The following SAMD5 variants were observed in gnomAD, a reference collection of about 807,000 sequenced individuals.
SAMD5 encodes sterile alpha motif domain-containing protein 5.
SAMD5 carries 13 observed loss-of-function variants against 11.3 expected under a neutral mutation model. The ratio of observed to expected loss-of-function variants is 1.15; its 90% confidence interval spans 0.75 to 1.83. SAMD5 has a LOEUF of 1.83. Ranked by LOEUF, SAMD5 falls within the 40% of genes most tolerant of loss-of-function variation. The pLI is 0.00. For missense variants in SAMD5, 255 were observed against 239.1 expected, an observed-to-expected ratio of 1.07 and a Z score of -0.44; for synonymous variants, 129 against 111.3, an observed-to-expected ratio of 1.16 and a Z score of -1.00.
intron 1 of SAMD5, among the ~76,000 whole-genome samples, chr6:147,699,096 T>C (rs1368929371): frequency 6.6e-6 from 1 of 152,114 alleles, no homozygotes; most frequent in Non-Finnish European, 1.5e-5. Context: ...ACCCCCTGGA[T>C]GCTGGAAATC....
chr6:147,535,572 G>A (rs1414019086), intron 1 of SAMD5, among the ~76,000 whole-genome samples: 8 of 152,082 alleles, frequency 5.3e-5, no homozygotes, highest in South Asian at 4.2e-4. Context: ...GAACTGATTT[G>A]TTTACAAAAT....
At chr6:147,682,417 T>C (rs199866855) in intron 1 of SAMD5, among the ~76,000 whole-genome samples, 7 of 152,178 alleles carry the variant, frequency 4.6e-5, no homozygotes, top group Non-Finnish European at 5.9e-5. Flanking sequence ...AGAGTTTTGA[T>C]TGGTCCACAG....
the SAMD5 span, among the ~76,000 whole-genome samples, chr6:147,771,709 C>T: frequency 6.6e-6 from 1 of 152,184 alleles, no homozygotes; most frequent in African/African-American, 2.4e-5. Flanking sequence ...CACCCCTCAA[C>T]TCCACTCTCT....
chr6:147,693,547 A>C (rs1226755011), intron 1 of SAMD5, among the ~76,000 whole-genome samples: 1 of 152,270 alleles, frequency 6.6e-6, no homozygotes, highest in Non-Finnish European at 1.5e-5. Context: ...TCTATTTATA[A>C]CAGGGAATAA....
chr6:147,715,799 T>C (rs1250997463), intron 1 of SAMD5, among the ~76,000 whole-genome samples: 1 of 152,156 alleles, frequency 6.6e-6, no homozygotes, highest in Non-Finnish European at 1.5e-5. Context: ...TGGGGTGTCC[T>C]GATGAATGTC....
At chr6:147,589,299 A>C (rs548907111) in intron 1 of SAMD5, among the ~76,000 whole-genome samples, 1 of 152,250 alleles carries the variant, frequency 6.6e-6, no homozygotes, top group Non-Finnish European at 1.5e-5. Context: ...CACTTTCAAA[A>C]GTTTAGACAG....
intron 1 of SAMD5, among the ~76,000 whole-genome samples, chr6:147,511,421 G>C (rs1048326594): frequency 6.6e-6 from 1 of 152,186 alleles, no homozygotes; most frequent in African/African-American, 2.4e-5. Flanking sequence ...ATGCCAAGTT[G>C]CACTGCAATA....
chr6:147,705,170 T>C (rs1791308514), intron 1 of SAMD5, among the ~76,000 whole-genome samples: 1 of 152,168 alleles, frequency 6.6e-6, no homozygotes, highest in South Asian at 2.1e-4. Context: ...ATATTCTGAG[T>C]GTCCTTCTCA....
At chr6:147,941,221 G>A in the SAMD5 span, among the ~76,000 whole-genome samples, 10 of 152,290 alleles carry the variant, frequency 6.6e-5, no homozygotes, top group Admixed American at 1.3e-4. Flanking sequence ...GATGCAGCAC[G>A]CCATCAGGGA....
At chr6:147,543,668 T>TA (rs1463921910) in intron 1 of SAMD5, among the ~76,000 whole-genome samples, 1 of 152,204 alleles carries the variant, frequency 6.6e-6, no homozygotes, top group African/African-American at 2.4e-5. Flanking sequence ...AGGATGAACT[T>TA]ACAGTTGACA....
At chr6:147,859,183 G>A in the SAMD5 span, among the ~76,000 whole-genome samples, 2 of 152,094 alleles carry the variant, frequency 1.3e-5, no homozygotes, top group African/African-American at 4.8e-5. Flanking sequence ...CCCAAGTGGA[G>A]CCTCCCTTTG....
At chr6:147,614,850 C>T (rs1013170755) in intron 1 of SAMD5, among the ~76,000 whole-genome samples, 10 of 151,944 alleles carry the variant, frequency 6.6e-5, no homozygotes, top group Admixed American at 1.3e-4. Flanking sequence ...CCTCTGTATT[C>T]GAAGTTTCTG....
downstream of SAMD5, among the ~76,000 whole-genome samples, chr6:147,741,257 T>C (rs890787585): frequency 3.3e-5 from 5 of 152,126 alleles, no homozygotes. Context: ...GCTGGGGGTC[T>C]CCAGACCGTG....
the SAMD5 span, among the ~76,000 whole-genome samples, chr6:147,903,367 C>G: frequency 6.6e-6 from 1 of 152,086 alleles, no homozygotes; most frequent in Non-Finnish European, 1.5e-5. Context: ...TCATCTGAGT[C>G]CATTTCTAAC....
chr6:147,528,375 A>G (rs1017992892), intron 1 of SAMD5, among the ~76,000 whole-genome samples: 3 of 152,088 alleles, frequency 2.0e-5, no homozygotes, highest in Non-Finnish European at 4.4e-5. Flanking sequence ...CCAGCTTGCA[A>G]ATGGCCACCT....
chr6:147,668,285 A>G (rs1481808960), intron 1 of SAMD5, among the ~76,000 whole-genome samples: 3 of 152,208 alleles, frequency 2.0e-5, no homozygotes, highest in African/African-American at 7.2e-5. Flanking sequence ...TATCTACAAT[A>G]TGCTTTTTTC....
At chr6:147,680,356 G>C (rs1390697193) in intron 1 of SAMD5, among the ~76,000 whole-genome samples, 1 of 152,002 alleles carries the variant, frequency 6.6e-6, no homozygotes, top group African/African-American at 2.4e-5. Flanking sequence ...ATACAAATTT[G>C]TATCTTGATC....
At chr6:147,742,885 A>G in the SAMD5 span, among the ~76,000 whole-genome samples, 1 of 152,218 alleles carries the variant, frequency 6.6e-6, no homozygotes, top group Non-Finnish European at 1.5e-5. Context: ...GATTAATTTT[A>G]CTTGTTGTAC....
the SAMD5 span, among the ~76,000 whole-genome samples, chr6:147,840,964 G>C: frequency 3.9e-3 from 594 of 152,222 alleles, 3 homozygotes; most frequent in African/African-American, 0.013. Flanking sequence ...TATCAACAGA[G>C]GCAAAATAAC....
Sources: gnomAD v4.1 joint callset for allele counts (sites outside exome capture counted in the v4.1 genomes callset) on GRCh38, gnomAD v4.1.1 for gene constraint, MANE v1.5 for transcripts, NCBI Gene and HGNC (gene_info 2026-07-23, HGNC 2026-07-21) for gene names.